Variants in PCDH9 observed in about 807,000 individuals in gnomAD.
PCDH9 encodes the protein protocadherin-9.
Under a neutral mutation model 70.6 loss-of-function variants are expected in PCDH9, and 24 were observed. The ratio of observed to expected loss-of-function variants is 0.34; its 90% CI spans 0.25 to 0.48. PCDH9 has a LOEUF of 0.48. Among genes scored for constraint, PCDH9 ranks in the 20% least tolerant of loss-of-function variants. PCDH9 has a pLI of 0.99. For synonymous variants in PCDH9, 562 were observed against 558.5 expected (o/e 1.01, Z -0.09); for missense variants, 1,281 against 1,503.6 (o/e 0.85, Z 2.45).
At chr13:66,354,206 C>T (rs1351987650) in intron 4 of PCDH9, among the ~76,000 whole-genome samples, 1 of 152,030 alleles carries the variant, frequency 6.6e-6, no homozygotes, top group Non-Finnish European at 1.5e-5. Flanking sequence ...AATACAGACT[C>T]CCTCTGATTT....
chr13:66,388,628 G>A (rs375990167), intron 4 of PCDH9, among the ~76,000 whole-genome samples: 5 of 152,174 alleles, frequency 3.3e-5, no homozygotes, highest in East Asian at 1.9e-4. Flanking sequence ...CAAGTGATGC[G>A]ATTTAATATG....
At chr13:66,974,080 G>C (rs1187451047) in intron 2 of PCDH9, among the ~76,000 whole-genome samples, 4 of 151,964 alleles carry the variant, frequency 2.6e-5, no homozygotes, top group Non-Finnish European at 5.9e-5. Context: ...GCTTCCCTCA[G>C]CATACCTTAC....
intron 2 of PCDH9, among the ~76,000 whole-genome samples, chr13:67,026,768 C>T (rs931453674): frequency 9.2e-5 from 14 of 151,602 alleles, no homozygotes; most frequent in Non-Finnish European, 7.4e-5. Context: ...TATACACCAA[C>T]AACAGACAAA....
intron 3 of PCDH9, among the ~76,000 whole-genome samples, chr13:66,881,119 G>T (rs996260333): frequency 6.6e-6 from 1 of 152,180 alleles, no homozygotes; most frequent in African/African-American, 2.4e-5. Context: ...AGCCATCTAT[G>T]TAATAGTGAT....
intron 4 of PCDH9, among the ~76,000 whole-genome samples, chr13:66,379,195 G>A (rs1457957010): frequency 6.6e-6 from 1 of 152,168 alleles, no homozygotes; most frequent in Non-Finnish European, 1.5e-5. Context: ...CCTCTCTCCG[G>A]CCATCTGTCC....
chr13:66,701,329 A>AC (rs2078645076), intron 3 of PCDH9, among the ~76,000 whole-genome samples: 1 of 152,038 alleles, frequency 6.6e-6, no homozygotes, highest in Non-Finnish European at 1.5e-5. Flanking sequence ...ATGTAAATAT[A>AC]CACACACTGG....
Position 66,909,177 on chromosome 13 carries a change from C to A in PCDH9, c.3037-5572G>T, listed in dbSNP as rs999402301. 4.6e-5 allele frequency among the ~76,000 whole-genome samples: 7 copies of A among 150,698 alleles called. No homozygotes were observed. In the South Asian group the frequency reaches 1.5e-3, roughly 31 times the overall value. ...CACAACAATAAATATTAGTCAAGCA[C>A]CAAAACAAGAAGTTAATCCCACTTA... On this transcript the variant is annotated intron_variant, in intron 2 of 4. Transcript: ENST00000377865.
intron 3 of PCDH9, among the ~76,000 whole-genome samples, chr13:66,811,601 A>C (rs866354068): frequency 8.6e-6 from 1 of 115,772 alleles, no homozygotes; most frequent in Non-Finnish European, 1.6e-5. Flanking sequence ...CTTCCTTCCT[A>C]CCTGTCTGCC....
In PCDH9 at chr13:67,226,115, C is replaced by T. The variant is rs1286650971; in HGVS notation, c.2326G>A (p.Asp776Asn). The T allele has an allele frequency of 1.2e-6, 2 of 1,614,108 alleles. No individual in the cohort carries two copies. The highest frequency in any genetic ancestry group is 1.7e-6 in the Non-Finnish European group (2 of 1,180,020). ...ATATAGGAGGCATTTCCAGCAGTGT[C>T]GTTAACATAAAGGAATACAAGCACA... ...TLVLVFLYVN[D>N]TAGNASYIYD... The change falls in exon 2 of 5, where the codon GAC becomes AAC. Residue 776 changes from aspartate (D) to asparagine (N), a missense_variant. Physicochemically the swap from Asp to Asn is conservative, Grantham distance 23. Coordinates refer to ENST00000377865, the MANE Select transcript of PCDH9 (RefSeq NM_203487.3). The surrounding 1 kb of genome is among the most constrained non-coding windows in gnomAD (Gnocchi z 5.0).
intron 2 of PCDH9, among the ~76,000 whole-genome samples, chr13:67,094,105 A>G (rs923564634): frequency 3.9e-5 from 6 of 152,180 alleles, no homozygotes; most frequent in African/African-American, 1.2e-4. Context: ...TTGGAGATGT[A>G]TTATATAAAT....
chr13:67,175,696 C>T (rs141650829), intron 2 of PCDH9, among the ~76,000 whole-genome samples: 2 of 152,212 alleles, frequency 1.3e-5, no homozygotes, highest in East Asian at 3.9e-4. Flanking sequence ...GAAATGAAAA[C>T]TATATCATTG....
At chr13:66,513,125 A>G (rs1455865702) in intron 4 of PCDH9, among the ~76,000 whole-genome samples, 1 of 150,774 alleles carries the variant, frequency 6.6e-6, no homozygotes, top group Non-Finnish European at 1.5e-5. Flanking sequence ...ACCAGTACAC[A>G]TTCTTATATT....
intron 4 of PCDH9, among the ~76,000 whole-genome samples, chr13:66,481,942 GCACA>G (rs10611896): frequency 7.5e-4 from 112 of 148,558 alleles, no homozygotes; most frequent in Non-Finnish European, 1.3e-3. Flanking sequence ...ACACATGCAC[GCACA>G]CACACACACA....
intron 2 of PCDH9, among the ~76,000 whole-genome samples, chr13:67,146,378 T>C (rs1211778439): frequency 3.3e-5 from 5 of 152,132 alleles, no homozygotes; most frequent in South Asian, 2.1e-4. Context: ...ATTTGTACAA[T>C]GAAGAATATC....
rs1000671999 is a variant in PCDH9, at chr13:66,556,339, C to T, written c.3340+74871G>A. Among the ~76,000 whole-genome samples the T allele has an allele frequency of 7.9e-5, 12 of 152,036 alleles. 1 individual carries two copies. The highest frequency in any genetic ancestry group is 2.6e-4 in the Admixed American group (4 of 15,254). Reference sequence around the variant, plus strand: ...AGATATGGGGACTAAGAAAAATTGGCTACAATAAAATTAATAGTTTGCCAT... The same window carrying T: ...AGATATGGGGACTAAGAAAAATTGGTTACAATAAAATTAATAGTTTGCCAT... On this transcript the variant is annotated intron_variant, in intron 4 of 4. Transcript: ENST00000377865.
At chr13:66,455,549 A>G (rs1566339199) in intron 4 of PCDH9, among the ~76,000 whole-genome samples, 1 of 152,228 alleles carries the variant, frequency 6.6e-6, no homozygotes, top group East Asian at 1.9e-4. Flanking sequence ...AGTATGAAAT[A>G]ATAAATGGAT....
At chr13:66,859,899 C>A (rs1247498430) in intron 3 of PCDH9, among the ~76,000 whole-genome samples, 2 of 152,032 alleles carry the variant, frequency 1.3e-5, no homozygotes, top group Non-Finnish European at 2.9e-5. Context: ...AAAGCACAAG[C>A]CATTTGAATG....
intron 2 of PCDH9, among the ~76,000 whole-genome samples, chr13:66,926,288 A>G (rs2082716556): frequency 1.3e-5 from 2 of 152,034 alleles, no homozygotes; most frequent in Admixed American, 6.6e-5. Flanking sequence ...GGTACCTCAC[A>G]GTATCTTGTA....
At chr13:66,761,337 TG>T (rs1256373343) in intron 3 of PCDH9, among the ~76,000 whole-genome samples, 5 of 152,160 alleles carry the variant, frequency 3.3e-5, no homozygotes, top group African/African-American at 1.2e-4. Flanking sequence ...GTTGAAATAT[TG>T]GGGGCTGGCT....
Sources: allele counts gnomAD v4.1 joint callset (sites outside exome capture counted in the v4.1 genomes callset), GRCh38; gene constraint gnomAD v4.1.1; non-coding constraint Gnocchi (gnomAD v3.1); transcripts MANE v1.5; gene names NCBI Gene and HGNC (gene_info 2026-07-23, HGNC 2026-07-21).